CADPS2: variants seen among roughly 807,000 people sequenced by gnomAD.
CADPS2 encodes the protein calcium-dependent secretion activator 2.
Under a neutral mutation model 172.5 loss-of-function variants are expected in CADPS2, and 93 were observed. The observed-to-expected ratio is 0.54, with a 90% CI of 0.46 to 0.64. The LOEUF is 0.64. CADPS2 is among the 30% of genes least tolerant of loss of function. The pLI is 0.00. For missense variants in CADPS2, 1,420 were observed against 1,565.9 expected (o/e 0.91, Z 1.57); for synonymous variants, 546 against 555.2 (o/e 0.98, Z 0.23).
intron 8 of CADPS2, among the ~76,000 whole-genome samples, chr7:122,527,609 AGAGAGAGAGTGTGT>A (rs1305610247): frequency 1.2e-4 from 15 of 120,846 alleles, no homozygotes; most frequent in African/African-American, 3.5e-4. Flanking sequence ...AGAGAGAGAG[AGAGAGAGAGTGTGT>A]GTGTGTGTGT....
At chr7:122,442,656 G>C (rs1484431779) in intron 15 of CADPS2, among the ~76,000 whole-genome samples, 11 of 152,094 alleles carry the variant, frequency 7.2e-5, no homozygotes, top group Non-Finnish European at 1.5e-5. Context: ...TTTAATAGAA[G>C]AGATTGATTT....
At chr7:122,701,895 C>G (rs1396952831) in intron 2 of CADPS2, 1 of 1,613,400 alleles carries the variant, frequency 6.2e-7, no homozygotes, top group African/African-American at 1.3e-5. Flanking sequence ...AGCCAGGGGT[C>G]AATGCATGCC....
At chr7:122,709,322 G>A (rs28547074) in intron 2 of CADPS2, among the ~76,000 whole-genome samples, 1,568 of 152,092 alleles carry the variant, frequency 0.01, 25 homozygotes, top group African/African-American at 0.035. Flanking sequence ...ATCATCACTG[G>A]CCATCAGAGA....
intron 1 of CADPS2, among the ~76,000 whole-genome samples, chr7:122,808,306 C>T (rs1799256417): frequency 1.3e-5 from 2 of 152,158 alleles, no homozygotes; most frequent in Admixed American, 1.3e-4. Context: ...AGTATTTCTG[C>T]AGTTCGTACC....
intron 2 of CADPS2, among the ~76,000 whole-genome samples, chr7:122,719,861 A>G (rs1380263581): frequency 6.6e-6 from 1 of 152,154 alleles, no homozygotes; most frequent in Non-Finnish European, 1.5e-5. Context: ...AATCTTGCAT[A>G]GATTAATGGT....
intron 2 of CADPS2, among the ~76,000 whole-genome samples, chr7:122,727,001 C>T (rs2091174723): frequency 6.6e-6 from 1 of 151,892 alleles, no homozygotes; most frequent in South Asian, 2.1e-4. Context: ...AAATGGACCT[C>T]CCCATCAGAA....
intron 1 of CADPS2, among the ~76,000 whole-genome samples, chr7:122,761,815 C>T (rs994982571): frequency 1.4e-5 from 2 of 146,814 alleles, no homozygotes; most frequent in Admixed American, 6.8e-5. Context: ...GCCAACATGG[C>T]GAAACCACAT....
At chr7:122,402,918 T>G (rs1017619395) in intron 20 of CADPS2, among the ~76,000 whole-genome samples, 1 of 152,192 alleles carries the variant, frequency 6.6e-6, no homozygotes, top group Non-Finnish European at 1.5e-5. Context: ...AGACAATAAC[T>G]CTAATTGGGT....
At chr7:122,827,925 T>C (rs1584710048) in intron 1 of CADPS2, among the ~76,000 whole-genome samples, 1 of 152,194 alleles carries the variant, frequency 6.6e-6, no homozygotes, top group East Asian at 1.9e-4. Context: ...CAATATTCAG[T>C]GGTGGTTTGT....
rs557737288 is a variant in CADPS2, at chr7:122,425,151, AG to A, written c.2477-8988del. ...GTGCACCACCACGCCCAACTAATTA[AG>A]TTTCTTTTTATACAGACGGGGTCTC... is the stretch of plus-strand genomic sequence containing the variant. On this transcript the variant is annotated intron_variant, in intron 17 of 29. Transcript: ENST00000449022. Among the ~76,000 whole-genome samples the A allele has an allele frequency of 5.3e-4, 81 of 151,842 alleles. No individual in the cohort carries two copies. The South Asian group carries it at 7.1e-3, about 13-fold the overall frequency.
chr7:122,432,657 A>AG (rs1219123504), intron 17 of CADPS2, among the ~76,000 whole-genome samples: 9 of 150,930 alleles, frequency 6.0e-5, no homozygotes, highest in East Asian at 1.9e-4. Context: ...AAAAAAAAAA[A>AG]AAAAGAAAAA....
intron 8 of CADPS2, among the ~76,000 whole-genome samples, chr7:122,541,688 CAT>C (rs892436131): frequency 3.6e-4 from 51 of 139,988 alleles, no homozygotes; most frequent in South Asian, 6.7e-4. Flanking sequence ...TATATTTATT[CAT>C]ATATGTTTAT....
At chr7:122,581,363 G>T in intron 6 of CADPS2, 73 bp from the exon 7 acceptor site, 1 of 1,153,630 alleles carries the variant, frequency 8.7e-7, no homozygotes, top group Non-Finnish European at 1.3e-6. Context: ...TGTCTCCATA[G>T]AAGGCAAATT....
At chr7:122,864,958 A>G (rs1405766010) in intron 1 of CADPS2, among the ~76,000 whole-genome samples, 1 of 151,962 alleles carries the variant, frequency 6.6e-6, no homozygotes, top group Non-Finnish European at 1.5e-5. Context: ...TTCTGTTTGT[A>G]TGTTTGTCCC....
chr7:122,550,778 A>G (rs1363290669), intron 8 of CADPS2, among the ~76,000 whole-genome samples: 4 of 152,138 alleles, frequency 2.6e-5, no homozygotes, highest in Non-Finnish European at 4.4e-5. Context: ...ACACACACAC[A>G]CAAACCAGGA....
chr7:122,799,603 C>CA (rs58187843), intron 1 of CADPS2, among the ~76,000 whole-genome samples: 1,353 of 47,792 alleles, frequency 0.028, 14 homozygotes, highest in East Asian at 0.074. Context: ...GATTCCATCT[C>CA]AAAAAAAAAA....
At chr7:122,368,832 C>T (rs536262560) in intron 25 of CADPS2, among the ~76,000 whole-genome samples, 10 of 152,114 alleles carry the variant, frequency 6.6e-5, no homozygotes, top group African/African-American at 1.9e-4. Flanking sequence ...CAGATATGTG[C>T]GTAGGACTTT....
chr7:122,499,576 T>C (rs892069773), intron 9 of CADPS2, among the ~76,000 whole-genome samples: 1 of 152,206 alleles, frequency 6.6e-6, no homozygotes, highest in Non-Finnish European at 1.5e-5. Context: ...AATCTTTTGA[T>C]CAATCCTTTA....
At position 122,393,323 on chromosome 7, in the gene CADPS2, G is replaced by T; in HGVS notation, c.2889-8C>A. On this transcript the variant is annotated splice_region_variant and splice_polypyrimidine_tract_variant and intron_variant, in intron 21 of 29. Transcript: ENST00000449022. ...AGACTGTTGGCGATATTCCTGTAAAGAAACAAACAACGTGGGAAGGGACCA... is the reference window on the plus strand; with the variant it reads ...AGACTGTTGGCGATATTCCTGTAAATAAACAAACAACGTGGGAAGGGACCA... 6.2e-7 allele frequency: 1 copy of T among 1,613,798 alleles called. No homozygotes were observed. Among genetic ancestry groups the T allele is most frequent in the Non-Finnish European group, 8.5e-7 (1 of 1,179,768 alleles).
Sources: gnomAD v4.1 joint callset for allele counts (sites outside exome capture counted in the v4.1 genomes callset) on GRCh38, gnomAD v4.1.1 for gene constraint, MANE v1.5 for transcripts, NCBI Gene and HGNC (gene_info 2026-07-23, HGNC 2026-07-21) for gene names.